SPECC1: variants seen among roughly 807,000 people sequenced by gnomAD.
SPECC1 encodes sperm antigen with calponin homology and coiled-coil domains 1.
Under a neutral mutation model 104.1 loss-of-function variants are expected in SPECC1, and 62 were observed. That is an observed-to-expected ratio of 0.60 (90% CI 0.49 to 0.74). The LOEUF (loss-of-function observed/expected upper bound fraction) is 0.74, where lower values mean the gene tolerates loss of function less well. Ranked by LOEUF, SPECC1 falls within the 30% of genes least tolerant of loss-of-function variation. The pLI is 0.00. For missense variants in SPECC1, 1,306 were observed against 1,310.5 expected, an observed-to-expected ratio of 1.00 and a Z score of 0.05; for synonymous variants, 513 against 501.6, an observed-to-expected ratio of 1.02 and a Z score of -0.30.
chr17:20,290,150 T>A (rs995936439), intron 12 of SPECC1: 31 of 152,022 alleles, frequency 2.0e-4, no homozygotes, highest in African/African-American at 7.3e-4. Flanking sequence ...CTCTCAGAGC[T>A]CTCCTGCGGG....
chr17:20,281,089 C>T (rs540764741), intron 12 of SPECC1, among the ~76,000 whole-genome samples: 1 of 152,284 alleles, frequency 6.6e-6, no homozygotes, highest in African/African-American at 2.4e-5. Flanking sequence ...AATCTGATGT[C>T]AGCTCAGTTC....
chr17:20,304,931 G>A (rs919956553), intron 13 of SPECC1, among the ~76,000 whole-genome samples: 1 of 151,914 alleles, frequency 6.6e-6, no homozygotes, highest in Non-Finnish European at 1.5e-5. Flanking sequence ...ATGAGAAGGA[G>A]GCACAAAGCC....
chr17:20,290,772 C>T (rs1446983813), intron 12 of SPECC1, among the ~76,000 whole-genome samples: 2 of 152,204 alleles, frequency 1.3e-5, no homozygotes, highest in Non-Finnish European at 2.9e-5. Flanking sequence ...CCACCTTGGC[C>T]TCCCAAAGTT....
intron 1 of SPECC1, among the ~76,000 whole-genome samples, chr17:20,093,097 A>G (rs1262815994): frequency 6.6e-6 from 1 of 152,244 alleles, no homozygotes; most frequent in Non-Finnish European, 1.5e-5. Flanking sequence ...TAGTCTGTTC[A>G]GGCTGCTGTA....
chr17:20,305,822 C>A (rs141507567), intron 13 of SPECC1: 77 of 459,228 alleles, frequency 1.7e-4, no homozygotes, highest in African/African-American at 1.4e-3. Flanking sequence ...AGGTGTCAAT[C>A]AGTAATGTTA....
At chr17:20,171,792 G>C (rs1391402178) in intron 3 of SPECC1, among the ~76,000 whole-genome samples, 2 of 152,076 alleles carry the variant, frequency 1.3e-5, no homozygotes, top group Admixed American at 1.3e-4. Context: ...GTGAATTCTG[G>C]TACCAGCTTT....
intron 3 of SPECC1, among the ~76,000 whole-genome samples, chr17:20,152,583 A>C (rs1213133251): frequency 1.3e-5 from 2 of 152,262 alleles, no homozygotes; most frequent in Non-Finnish European, 2.9e-5. Context: ...TTCTTGGCTT[A>C]TACATGCCAC....
chr17:20,038,162 A>G (rs1015416696), intron 1 of SPECC1, among the ~76,000 whole-genome samples: 1 of 151,910 alleles, frequency 6.6e-6, no homozygotes, highest in East Asian at 1.9e-4. Context: ...TCTTTCGAAG[A>G]ATCAGTACTT....
At chr17:20,231,912 C>A in intron 6 of SPECC1, 81 bp downstream of exon 6, 1 of 1,434,652 alleles carries the variant, frequency 7.0e-7, no homozygotes, top group Non-Finnish European at 9.8e-7. Flanking sequence ...CTCTATCCTG[C>A]TTTCTCTTGG....
chr17:20,023,495 C>G (rs2044476791), intron 1 of SPECC1, among the ~76,000 whole-genome samples: 2 of 151,884 alleles, frequency 1.3e-5, no homozygotes, highest in South Asian at 4.2e-4. Context: ...GATGGCAGGC[C>G]AGGACACGGG....
At chr17:20,245,237 C>T (rs966939382) in intron 7 of SPECC1, among the ~76,000 whole-genome samples, 4 of 152,216 alleles carry the variant, frequency 2.6e-5, no homozygotes, top group Admixed American at 6.5e-5. Context: ...CCACACACAA[C>T]TGGACCACCA....
At chr17:20,107,164 A>AAAG (rs1451001216) in intron 2 of SPECC1, among the ~76,000 whole-genome samples, 5 of 149,118 alleles carry the variant, frequency 3.4e-5, no homozygotes, top group African/African-American at 1.2e-4. Flanking sequence ...AAAAAAAAAA[A>AAAG]AAAAAGAAAA....
chr17:20,132,059 AT>A (rs967762425), intron 3 of SPECC1, among the ~76,000 whole-genome samples: 33 of 148,188 alleles, frequency 2.2e-4, no homozygotes, highest in Middle Eastern at 3.6e-3. Context: ...TTTTTCTAAG[AT>A]TTTTTTTTTT....
intron 3 of SPECC1, among the ~76,000 whole-genome samples, chr17:20,144,416 A>C (rs1482461279): frequency 6.6e-6 from 1 of 151,458 alleles, no homozygotes; most frequent in Admixed American, 6.6e-5. Context: ...GTCTCGAACT[A>C]CTGAGCTCAA....
intron 5 of SPECC1, among the ~76,000 whole-genome samples, chr17:20,229,920 T>A (rs2038467050): frequency 6.6e-6 from 1 of 152,220 alleles, no homozygotes; most frequent in Admixed American, 6.5e-5. Context: ...GTTAACCCCT[T>A]CTTGGCTAGT....
intron 3 of SPECC1, among the ~76,000 whole-genome samples, chr17:20,171,133 A>G (rs1301076502): frequency 9.2e-5 from 14 of 152,240 alleles, no homozygotes; most frequent in Non-Finnish European, 1.5e-5. Flanking sequence ...GTCGTATGTT[A>G]TAGTATGCTG....
chr17:20,172,305 A>C (rs2034149874), intron 3 of SPECC1, among the ~76,000 whole-genome samples: 1 of 152,216 alleles, frequency 6.6e-6, no homozygotes, highest in African/African-American at 2.4e-5. Flanking sequence ...TGCAAGGCCC[A>C]GTTTGCACAG....
chr17:20,156,464 G>C (rs2032543575), intron 3 of SPECC1, among the ~76,000 whole-genome samples: 1 of 152,182 alleles, frequency 6.6e-6, no homozygotes, highest in African/African-American at 2.4e-5. Context: ...TGGGCGCCGG[G>C]GCCGCCGGGC....
intron 2 of SPECC1, among the ~76,000 whole-genome samples, chr17:20,097,132 A>G (rs1297513119): frequency 6.6e-6 from 1 of 152,092 alleles, no homozygotes; most frequent in Non-Finnish European, 1.5e-5. Flanking sequence ...GCCCCCCACA[A>G]TCCAGTTGTA....
Sources: gnomAD v4.1 joint callset for allele counts (sites outside exome capture counted in the v4.1 genomes callset) on GRCh38, gnomAD v4.1.1 for gene constraint, MANE v1.5 for transcripts, NCBI Gene and HGNC (gene_info 2026-07-23, HGNC 2026-07-21) for gene names.